BICD2: variants seen among roughly 807,000 people sequenced by gnomAD.
The protein encoded by BICD2 is protein bicaudal D homolog 2.
In BICD2, 25 loss-of-function variants were observed where a neutral mutation model predicts 72.9. That is an observed-to-expected ratio of 0.34 (90% CI 0.25 to 0.48). BICD2 has a LOEUF of 0.48. Among genes scored for constraint, BICD2 ranks in the 20% least tolerant of loss-of-function variants. The pLI is 0.99. For synonymous variants in BICD2, 501 were observed against 516.1 expected, an observed-to-expected ratio of 0.97 and a Z score of 0.40; for missense variants, 894 against 1,175.2, an observed-to-expected ratio of 0.76 and a Z score of 3.50.
chr9:92,761,499 T>C lies in BICD2; in HGVS notation c.240+3006A>G, dbSNP rs1854371855. On this transcript the variant is annotated intron_variant, in intron 1 of 6. Coordinates refer to ENST00000356884, the MANE Select transcript of BICD2 (RefSeq NM_001003800.2). ...AGTGAGGGTGTCCAGACCTCCTCTC[T>C]GAGCCTGAGCTCAGGTGGAGTCAAG... Among the ~76,000 whole-genome samples, 3 of 152,228 alleles carry C rather than the reference T, an allele frequency of 2.0e-5. No homozygotes were observed. In the South Asian group the frequency reaches 6.2e-4, roughly 31 times the overall value.
rs199864948 is a variant in BICD2 at position 92,742,701 on chromosome 9, AC to A, written c.241-13466del. Among the ~76,000 whole-genome samples, 1,368 of 145,416 alleles carry A rather than the reference AC, an allele frequency of 9.4e-3. 23 individuals are homozygous for A. Among genetic ancestry groups the A allele is most frequent in the African/African-American group, 0.033 (1,313 of 39,224 alleles). ...CCCGGCCTAATTCCACATTTCTATC[AC>A]CCCCCCCAAAGAAACTCTGTCCCCA... On this transcript the variant is annotated intron_variant, in intron 1 of 6. Coordinates refer to ENST00000356884, the MANE Select transcript of BICD2 (RefSeq NM_001003800.2).
At chr9:92,723,595 T>G (rs553426001) in intron 2 of BICD2, among the ~76,000 whole-genome samples, 1 of 152,208 alleles carries the variant, frequency 6.6e-6, no homozygotes, top group African/African-American at 2.4e-5. Context: ...GGTTTTCTTT[T>G]TGGAGCAATG....
At chr9:92,751,616 T>C (rs529533900) in intron 1 of BICD2, among the ~76,000 whole-genome samples, 1 of 152,276 alleles carries the variant, frequency 6.6e-6, no homozygotes, top group Non-Finnish European at 1.5e-5. Flanking sequence ...TACTGGATGG[T>C]GGATGGTGGG....
At chr9:92,762,186 T>A (rs552466328) in intron 1 of BICD2, among the ~76,000 whole-genome samples, 172 of 151,874 alleles carry the variant, frequency 1.1e-3, no homozygotes, top group African/African-American at 3.9e-3. Context: ...TACACCGCTC[T>A]ACAGGAGAAA....
At chr9:92,728,920 G>T in intron 2 of BICD2, 104 bp downstream of exon 2, 1 of 1,262,342 alleles carries the variant, frequency 7.9e-7, no homozygotes, top group Non-Finnish European at 1.1e-6. Flanking sequence ...CAGCTGCAGC[G>T]TCCCCAGAGG....
chr9:92,730,039 A>ACCCCAGGCGAGTGG (rs1287858212), intron 1 of BICD2, among the ~76,000 whole-genome samples: 1 of 151,924 alleles, frequency 6.6e-6, no homozygotes, highest in Non-Finnish European at 1.5e-5. Flanking sequence ...CATCGTGTAC[A>ACCCCAGGCGAGTGG]CCCCAGGCGA....
At chr9:92,731,859 A>G (rs1449835673) in intron 1 of BICD2, among the ~76,000 whole-genome samples, 1 of 152,252 alleles carries the variant, frequency 6.6e-6, no homozygotes, top group African/African-American at 2.4e-5. Context: ...TCCCAACAGC[A>G]GAGGAGAGCC....
chr9:92,752,094 T>G (rs978647893), intron 1 of BICD2, among the ~76,000 whole-genome samples: 2 of 152,134 alleles, frequency 1.3e-5, no homozygotes, highest in Non-Finnish European at 2.9e-5. Flanking sequence ...CATGAGCCAC[T>G]GCGCCCAGCC....
In BICD2 at chr9:92,729,078, G is replaced by T; in HGVS notation, c.399C>A (p.Thr133=). The T allele has an allele frequency of 6.2e-7, 1 of 1,614,248 alleles. No individual in the cohort carries two copies. Among genetic ancestry groups the T allele is most frequent in the Non-Finnish European group, 8.5e-7 (1 of 1,180,044 alleles). ...GGCGCTCATTCTCCGACTGCGTGTT[G>T]GTGAGGACATTGCGCAACTGCTTCA... is the stretch of plus-strand genomic sequence containing the variant. ...TELKQLRNVL[T]NTQSENERLA... is the part of the protein sequence containing the mutation. Residue 133 remains threonine (T), a synonymous_variant, in exon 2 of 7, where the codon ACC becomes ACA. Transcript: ENST00000356884.
At chr9:92,747,212 A>G (rs1445122848) in intron 1 of BICD2, among the ~76,000 whole-genome samples, 1 of 152,166 alleles carries the variant, frequency 6.6e-6, no homozygotes, top group East Asian at 1.9e-4. Flanking sequence ...CCGGGGGCCA[A>G]GAGGGTAAAT....
chr9:92,724,599 G>A (rs1261380964), intron 2 of BICD2, among the ~76,000 whole-genome samples: 1 of 152,218 alleles, frequency 6.6e-6, no homozygotes, highest in Non-Finnish European at 1.5e-5. Flanking sequence ...TGTACCAGAG[G>A]AGAAAGTGAG....
intron 2 of BICD2, among the ~76,000 whole-genome samples, chr9:92,726,208 T>C (rs1267446046): frequency 1.3e-5 from 2 of 152,138 alleles, no homozygotes; most frequent in African/African-American, 4.8e-5. Flanking sequence ...GAGATACCAG[T>C]AGGGTCACCA....
At position 92,713,234 on chromosome 9, in the gene BICD2, CT is replaced by C. The variant is rs1188003284; in HGVS notation, c.*1919del. 4 of 599,782 alleles carry C rather than the reference CT, an allele frequency of 6.7e-6. No individual in the cohort carries two copies. Among genetic ancestry groups the C allele is most frequent in the Non-Finnish European group, 1.2e-5 (4 of 345,642 alleles). The allele number at this position is 599,782 out of a possible 1,614,324, so 37.2% of individuals were successfully genotyped here. ...AAGGGTCTTCGGCCCATACAGAGGC[CT>C]TTCCACGCAGCAGCTCGCAGCATGC... is the stretch of plus-strand genomic sequence containing the variant. On this transcript the variant is annotated 3_prime_UTR_variant, in exon 7 of 7. Coordinates refer to ENST00000356884, the MANE Select transcript of BICD2 (RefSeq NM_001003800.2).
chr9:92,725,619 G>A (rs1282295273), intron 2 of BICD2, among the ~76,000 whole-genome samples: 1 of 152,232 alleles, frequency 6.6e-6, no homozygotes, highest in Non-Finnish European at 1.5e-5. Context: ...AATGAAGGAG[G>A]TGGGAGCACA....
At chr9:92,734,416 A>G (rs1853735815) in intron 1 of BICD2, among the ~76,000 whole-genome samples, 1 of 151,256 alleles carries the variant, frequency 6.6e-6, no homozygotes, top group South Asian at 2.1e-4. Flanking sequence ...TGGGAGGCTG[A>G]TGCACAAGAA....
At position 92,747,498 on chromosome 9, in the gene BICD2, G is replaced by A. The variant is rs1361692319; in HGVS notation, c.240+17007C>T. The stretch of plus-strand genomic sequence containing the variant: ...TCCAGGGATATGGCTCAGGACAGGG[G>A]GGTCACCAGGGAGTCAGTAGGGAGG... On this transcript the variant is annotated intron_variant, in intron 1 of 6. Transcript: ENST00000356884. Among the ~76,000 whole-genome samples the A allele has an allele frequency of 2.0e-5, 3 of 152,164 alleles. 1 individual carries two copies. The highest frequency in any genetic ancestry group is 1.5e-5 in the Non-Finnish European group (1 of 68,024).
intron 1 of BICD2, among the ~76,000 whole-genome samples, chr9:92,763,505 G>C (rs1401858234): frequency 6.6e-6 from 1 of 152,218 alleles, no homozygotes; most frequent in Non-Finnish European, 1.5e-5. Flanking sequence ...AAGACTCACG[G>C]AGGGCCTCTA....
chr9:92,739,728 C>G (rs188726232), intron 1 of BICD2, among the ~76,000 whole-genome samples: 26 of 152,314 alleles, frequency 1.7e-4, no homozygotes, highest in Admixed American at 1.2e-3. Context: ...CTTGCCCCCC[C>G]AAAACTGCCA....
At chr9:92,737,839 G>A (rs1359766245) in intron 1 of BICD2, among the ~76,000 whole-genome samples, 1 of 152,196 alleles carries the variant, frequency 6.6e-6, no homozygotes. Context: ...GGTGATCAGA[G>A]CCTGGGAGGA....
Sources: allele counts gnomAD v4.1 joint callset (sites outside exome capture counted in the v4.1 genomes callset), GRCh38; gene constraint gnomAD v4.1.1; transcripts MANE v1.5; gene names NCBI Gene and HGNC (gene_info 2026-07-23, HGNC 2026-07-21).